Variants in CRIM1 observed in about 807,000 individuals in gnomAD.
The protein encoded by CRIM1 is cysteine rich transmembrane BMP regulator 1, also known as cysteine-rich motor neuron 1 protein.
In CRIM1, 32 loss-of-function variants were observed where a neutral mutation model predicts 116.4. That is an observed-to-expected ratio of 0.27 (90% confidence interval 0.21 to 0.37). CRIM1 has a LOEUF of 0.37. CRIM1 is among the 10% of genes least tolerant of loss of function. The pLI is 1.00. For missense variants in CRIM1, 1,331 were observed against 1,354.8 expected (o/e 0.98, Z 0.28); for synonymous variants, 590 against 509.2 (o/e 1.16, Z -2.13).
chr2:36,397,052 T>C (rs556240298), intron 2 of CRIM1, among the ~76,000 whole-genome samples: 1 of 152,264 alleles, frequency 6.6e-6, no homozygotes, highest in African/African-American at 2.4e-5. Context: ...ATGGATGATT[T>C]CACAAGCGGT....
chr2:36,440,689 C>G (rs938469227), intron 2 of CRIM1, among the ~76,000 whole-genome samples: 1 of 152,208 alleles, frequency 6.6e-6, no homozygotes, highest in Non-Finnish European at 1.5e-5. Flanking sequence ...CAGGAAATTA[C>G]ACGGGAATTT....
chr2:36,390,321 G>C (rs1431881105), intron 1 of CRIM1, among the ~76,000 whole-genome samples: 1 of 152,216 alleles, frequency 6.6e-6, no homozygotes, highest in Non-Finnish European at 1.5e-5. Flanking sequence ...CAAGACCTAT[G>C]CATCTGTGTG....
chr2:36,409,247 T>C (rs1182159569), intron 2 of CRIM1, among the ~76,000 whole-genome samples: 2 of 152,208 alleles, frequency 1.3e-5, no homozygotes, highest in Non-Finnish European at 2.9e-5. Context: ...CTTTTAGTTT[T>C]TTTCCACCTC....
intron 3 of CRIM1, among the ~76,000 whole-genome samples, chr2:36,442,205 G>A (rs1244877469): frequency 2.6e-5 from 4 of 151,426 alleles, no homozygotes; most frequent in Non-Finnish European, 4.4e-5. Context: ...TCTAATCATC[G>A]GCCAGTTGTT....
chr2:36,397,771 T>C (rs4670553), intron 2 of CRIM1, among the ~76,000 whole-genome samples: 29,591 of 152,136 alleles, frequency 0.19, 3,120 homozygotes, highest in South Asian at 0.33. Flanking sequence ...CAAAATAACA[T>C]TTCTCTTTGT....
chr2:36,540,380 C>G (rs1454725899), intron 14 of CRIM1, among the ~76,000 whole-genome samples: 2 of 152,134 alleles, frequency 1.3e-5, no homozygotes, highest in African/African-American at 4.8e-5. Context: ...ATGAATAAGA[C>G]AGACTGTGAA....
In CRIM1 at chr2:36,426,000, A is replaced by G. The variant is rs577020656; in HGVS notation, c.506-15258A>G. On this transcript the variant is annotated intron_variant, in intron 2 of 16. Transcript: ENST00000280527. ...CCAACCACCCAATTGTTTTTAGCCC[A>G]TTATCACATATGTAGGAAGTCATGA... Among the ~76,000 whole-genome samples, 15 of 152,348 alleles carry G rather than the reference A, an allele frequency of 9.8e-5. No individual in the cohort carries two copies. In the East Asian group the frequency reaches 2.9e-3, roughly 29 times the overall value.
intron 2 of CRIM1, among the ~76,000 whole-genome samples, chr2:36,414,083 AC>A (rs1673424545): frequency 6.6e-6 from 1 of 152,154 alleles, no homozygotes; most frequent in Non-Finnish European, 1.5e-5. Context: ...ACCCTAATGC[AC>A]CTTTTTTAAT....
intron 7 of CRIM1, among the ~76,000 whole-genome samples, chr2:36,485,103 A>T (rs912470953): frequency 6.6e-6 from 1 of 152,242 alleles, no homozygotes; most frequent in Non-Finnish European, 1.5e-5. Flanking sequence ...TTTCAGGCCT[A>T]ATAATTCTGC....
At chr2:36,493,273 GAAA>G (rs1324950579) in intron 7 of CRIM1, among the ~76,000 whole-genome samples, 2 of 147,944 alleles carry the variant, frequency 1.4e-5, no homozygotes, top group Non-Finnish European at 1.5e-5. Flanking sequence ...AAATAAAAAG[GAAA>G]AAAAAAAGCA....
At chr2:36,524,820 A>T (rs936116595) in intron 13 of CRIM1, among the ~76,000 whole-genome samples, 1 of 151,954 alleles carries the variant, frequency 6.6e-6, no homozygotes, top group Non-Finnish European at 1.5e-5. Flanking sequence ...TTTATTTTTT[A>T]TTTTTTTGCC....
At chr2:36,385,742 C>T (rs72785175) in intron 1 of CRIM1, among the ~76,000 whole-genome samples, 288 of 152,308 alleles carry the variant, frequency 1.9e-3, no homozygotes, top group Non-Finnish European at 3.6e-3. Context: ...GACTACCTCA[C>T]TTTCCTGTTT....
chr2:36,428,871 C>T (rs1047739458), intron 2 of CRIM1, among the ~76,000 whole-genome samples: 2 of 152,140 alleles, frequency 1.3e-5, no homozygotes, highest in African/African-American at 2.4e-5. Context: ...CCTCTTCCTG[C>T]GTAGATATAA....
intron 7 of CRIM1, among the ~76,000 whole-genome samples, chr2:36,487,822 A>G (rs1429142561): frequency 6.6e-6 from 1 of 152,160 alleles, no homozygotes; most frequent in Non-Finnish European, 1.5e-5. Context: ...TTCACCTACT[A>G]CATAGTATTT....
At chr2:36,453,057 T>C (rs1364037015) in intron 4 of CRIM1, among the ~76,000 whole-genome samples, 1 of 152,240 alleles carries the variant, frequency 6.6e-6, no homozygotes, top group Non-Finnish European at 1.5e-5. Flanking sequence ...GTAAAAGCCC[T>C]ACCTGTAATG....
chr2:36,453,663 T>A (rs1676905554), intron 4 of CRIM1, among the ~76,000 whole-genome samples: 1 of 152,226 alleles, frequency 6.6e-6, no homozygotes, highest in Non-Finnish European at 1.5e-5. Context: ...GAATAAAATA[T>A]AGTCGCTGAT....
At chr2:36,503,999 T>C (rs1386781565) in intron 8 of CRIM1, among the ~76,000 whole-genome samples, 1 of 152,074 alleles carries the variant, frequency 6.6e-6, no homozygotes, top group African/African-American at 2.4e-5. Context: ...GCCTCCCAAG[T>C]AACTGGGACT....
intron 4 of CRIM1, among the ~76,000 whole-genome samples, chr2:36,459,040 C>G (rs1359492999): frequency 6.6e-6 from 1 of 152,104 alleles, no homozygotes; most frequent in African/African-American, 2.4e-5. Context: ...TACTAGTAAT[C>G]ATTGTTCTCA....
chr2:36,493,500 A>G (rs1275206842), intron 7 of CRIM1, among the ~76,000 whole-genome samples: 4 of 152,280 alleles, frequency 2.6e-5, no homozygotes, highest in Admixed American at 2.6e-4. Context: ...CCTCCTGACA[A>G]GACAGTACTA....
Sources: gnomAD v4.1 joint callset for allele counts (sites outside exome capture counted in the v4.1 genomes callset) on GRCh38, gnomAD v4.1.1 for gene constraint, MANE v1.5 for transcripts, NCBI Gene and HGNC (gene_info 2026-07-23, HGNC 2026-07-21) for gene names.